The following NR2E1 variants were observed in gnomAD, a reference collection of about 807,000 sequenced individuals.
NR2E1 encodes the protein nuclear receptor TLX.
In NR2E1, 5 loss-of-function variants were observed where a neutral mutation model predicts 43.6. The observed-to-expected ratio is 0.11, with a 90% confidence interval of 0.06 to 0.24. The LOEUF (loss-of-function observed/expected upper bound fraction) is 0.24, where lower values mean the gene tolerates loss of function less well. Ranked by LOEUF, NR2E1 falls within the 10% of genes least tolerant of loss-of-function variation. NR2E1 has a pLI of 1.00. For missense variants in NR2E1, 287 were observed against 496.7 expected, an observed-to-expected ratio of 0.58 and a Z score of 4.01; for synonymous variants, 191 against 195.5, an observed-to-expected ratio of 0.98 and a Z score of 0.19.
Position 108,171,175 on chromosome 6 carries a change from T to A in NR2E1, c.26-283T>A, listed in dbSNP as rs184881795. ...GGGCCGCACTGCCGCCCGGGCCTGC[T>A]GTCATCTTTTATTCCAAAATGGGTC... On this transcript the variant is annotated intron_variant, in intron 1 of 8. Transcript: ENST00000368986. Among the ~76,000 whole-genome samples the A allele has an allele frequency of 1.2e-4, 18 of 152,214 alleles. 1 individual carries two copies. The highest frequency in any genetic ancestry group is 2.5e-4 in the Non-Finnish European group (17 of 68,040).
At chr6:108,186,399 A>AT (rs1445830846) in intron 8 of NR2E1, among the ~76,000 whole-genome samples, 3 of 152,180 alleles carry the variant, frequency 2.0e-5, no homozygotes, top group African/African-American at 7.2e-5. Context: ...TCAGGCAGTT[A>AT]AACACAGCCA....
Position 108,176,696 on chromosome 6 carries a change from A to C in NR2E1, c.453A>C (p.Pro151=). The C allele has an allele frequency of 6.3e-7, 1 of 1,594,140 alleles. No individual in the cohort carries two copies. Among genetic ancestry groups the C allele is most frequent in the East Asian group, 2.3e-5 (1 of 44,350 alleles). ...AGCTGGCCGCGGTGTCCACCACTCC[A>C]GAGCGGCAGACCCTCGTGAGCCTGG... ...GLELAAVSTT[P]ERQTLVSLAQ... Residue 151 remains proline (P), a synonymous_variant, in exon 4 of 9, where the codon CCA becomes CCC. Transcript: ENST00000368986.
chr6:108,172,466 T>C (rs568691407), intron 2 of NR2E1, among the ~76,000 whole-genome samples: 1 of 152,304 alleles, frequency 6.6e-6, no homozygotes, highest in East Asian at 1.9e-4. Context: ...GCAGAACCTC[T>C]TGACTCAGTT....
At chr6:108,183,309 G>A (rs1386253090) in intron 8 of NR2E1, among the ~76,000 whole-genome samples, 5 of 150,868 alleles carry the variant, frequency 3.3e-5, no homozygotes, top group African/African-American at 4.9e-5. Flanking sequence ...GACCAGCCTG[G>A]GCACAACATG....
At chr6:108,178,328 T>TGGTTTACCCAGGG in intron 5 of NR2E1, 87 bp downstream of exon 5, 1 of 1,432,750 alleles carries the variant, frequency 7.0e-7, no homozygotes, top group Non-Finnish European at 9.8e-7. Flanking sequence ...TATCCCTGGG[T>TGGTTTACCCAGGG]AAACCACCCA....
chr6:108,176,260 T>A (rs549948967), intron 3 of NR2E1: 2 of 585,642 alleles, frequency 3.4e-6, no homozygotes, highest in Non-Finnish European at 6.1e-6. Flanking sequence ...GCTCTGCCAT[T>A]ATCGTGGCAC....
Position 108,166,849 on chromosome 6 carries a change from G to A in NR2E1, c.25+59G>A. On this transcript the variant is annotated intron_variant, in intron 1 of 8. Transcript: ENST00000368986. The surrounding 1 kb of genome is among the most constrained non-coding windows in gnomAD (Gnocchi z 7.2). ...CGCGCAGCCTGGGGCGAGCGAGCGG[G>A]GAGGCTGGGGGAGGTCCTGCCTGGA... 1.3e-6 allele frequency: 2 copies of A among 1,501,082 alleles called. No individual in the cohort carries two copies. The highest frequency in any genetic ancestry group is 1.8e-6 in the Non-Finnish European group (2 of 1,103,696). The allele number at this position is 1,501,082 out of a possible 1,614,324, so 93.0% of individuals were successfully genotyped here. A position where few individuals can be genotyped will look rare whatever the true frequency, so the allele number is the denominator to read the frequency against.
intron 2 of NR2E1, 122 bp from the exon 3 acceptor site, chr6:108,174,714 G>A: frequency 1.3e-6 from 1 of 768,020 alleles, no homozygotes. Context: ...CCCAGGCTCG[G>A]GGCTCCAGGG....
chr6:108,171,333 G>T, intron 1 of NR2E1, 125 bp from the exon 2 acceptor site: 1 of 1,078,032 alleles, frequency 9.3e-7, no homozygotes, highest in Non-Finnish European at 1.4e-6. Context: ...CGCAGCTTCG[G>T]TGCTAATCCC....
chr6:108,173,193 C>A (rs531573541), intron 2 of NR2E1, among the ~76,000 whole-genome samples: 1 of 152,168 alleles, frequency 6.6e-6, no homozygotes, highest in African/African-American at 2.4e-5. Context: ...TTCTCTCTGG[C>A]GCTAGATATT....
At chr6:108,167,987 A>C in intron 1 of NR2E1, 2 of 1,556,844 alleles carry the variant, frequency 1.3e-6, no homozygotes, top group East Asian at 4.7e-5. Flanking sequence ...ACCTTTAAAA[A>C]ATTAGAGCAA....
intron 2 of NR2E1, among the ~76,000 whole-genome samples, chr6:108,173,220 G>A (rs940257629): frequency 6.6e-6 from 1 of 152,168 alleles, no homozygotes; most frequent in African/African-American, 2.4e-5. Context: ...CATTTGATCT[G>A]ATTTGAAGAC....
At chr6:108,187,273 C>T in intron 8 of NR2E1, 28 bp from the exon 9 acceptor site, 1 of 1,614,048 alleles carries the variant, frequency 6.2e-7, no homozygotes, top group Non-Finnish European at 8.5e-7. Flanking sequence ...GGCCTCTGAC[C>T]TTGTTTTCAT....
chr6:108,188,701 T>C lies in NR2E1; in HGVS notation c.*1238T>C, dbSNP rs1774116748. 1.3e-5 allele frequency: 2 copies of C among 152,206 alleles called. No homozygotes were observed. Among genetic ancestry groups the C allele is most frequent in the Non-Finnish European group, 2.9e-5 (2 of 68,048 alleles). The allele number at this position is 152,206 out of a possible 1,614,324, so 9.4% of individuals were successfully genotyped here. A position where few individuals can be genotyped will look rare whatever the true frequency, so the allele number is the denominator to read the frequency against. On this transcript the variant is annotated 3_prime_UTR_variant, in exon 9 of 9. Coordinates refer to ENST00000368986, the MANE Select transcript of NR2E1 (RefSeq NM_003269.5). ...AAAAAATTCAGCACTTGGACTATCA[T>C]AGGATGAGTAAAACTTTTCTTGTAC...
Position 108,171,618 on chromosome 6 carries a change from G to C in NR2E1, c.171+15G>C. 2 of 1,613,888 alleles carry C rather than the reference G, an allele frequency of 1.2e-6. No individual in the cohort carries two copies. The highest frequency in any genetic ancestry group is 8.5e-7 in the Non-Finnish European group (1 of 1,180,024). Reference sequence around the variant, plus strand: ...CTGGAAACCAGGTACCTTAGCCAGGGCTGCACTGCTGGGCTCCGCTCTGCT... The same window carrying C: ...CTGGAAACCAGGTACCTTAGCCAGGCCTGCACTGCTGGGCTCCGCTCTGCT... On this transcript the variant is annotated intron_variant, in intron 2 of 8. Transcript: ENST00000368986.
intron 1 of NR2E1, among the ~76,000 whole-genome samples, chr6:108,170,555 A>C (rs1017555387): frequency 6.8e-6 from 1 of 147,744 alleles, no homozygotes; most frequent in Non-Finnish European, 1.5e-5. Context: ...GGTGGGGTCC[A>C]TGGGGGGTGG....
chr6:108,171,307 C>A, intron 1 of NR2E1, 151 bp from the exon 2 acceptor site: 1 of 836,700 alleles, frequency 1.2e-6, no homozygotes, highest in Non-Finnish European at 1.9e-6. Context: ...AAAATCACTT[C>A]ATTATTTGCT....
At position 108,166,865 on chromosome 6, in the gene NR2E1, C is replaced by T; in HGVS notation, c.25+75C>T. On this transcript the variant is annotated intron_variant, in intron 1 of 8. Transcript: ENST00000368986. This position sits in a 1 kb window ranked among gnomAD's most constrained non-coding sequence, Gnocchi z 7.2. ...AGCGAGCGGGGAGGCTGGGGGAGGT[C>T]CTGCCTGGAGCGCTGCGAATCTGAG... The T allele has an allele frequency of 6.9e-7, 1 of 1,453,862 alleles. No homozygotes were observed. The highest frequency in any genetic ancestry group is 9.4e-7 in the Non-Finnish European group (1 of 1,063,908). The allele number at this position is 1,453,862 out of a possible 1,614,324, so 90.1% of individuals were successfully genotyped here. A position where few individuals can be genotyped will look rare whatever the true frequency, so the allele number is the denominator to read the frequency against.
At chr6:108,170,759 G>A (rs1773798746) in intron 1 of NR2E1, among the ~76,000 whole-genome samples, 1 of 152,038 alleles carries the variant, frequency 6.6e-6, no homozygotes, top group South Asian at 2.1e-4. Context: ...GACAACTTGC[G>A]TCGCTCCCCT....
Sources: gnomAD v4.1 joint callset for allele counts (sites outside exome capture counted in the v4.1 genomes callset) on GRCh38, gnomAD v4.1.1 for gene constraint, Gnocchi (gnomAD v3.1) non-coding constraint, MANE v1.5 for transcripts, NCBI Gene and HGNC (gene_info 2026-07-23, HGNC 2026-07-21) for gene names.